The following RAB3A variants were observed in gnomAD, a reference collection of about 807,000 sequenced individuals.
RAB3A encodes ras-related protein Rab-3A.
RAB3A carries 5 observed loss-of-function variants against 19.7 expected under a neutral mutation model. The observed-to-expected ratio is 0.25, with a 90% CI of 0.13 to 0.53. The LOEUF (loss-of-function observed/expected upper bound fraction) is 0.53, where lower values mean the gene tolerates loss of function less well. Ranked by LOEUF, RAB3A falls within the 20% of genes least tolerant of loss-of-function variation. The probability of loss-of-function intolerance (pLI) is 0.95; values close to 1 mark genes in which losing one functional copy is unlikely to be tolerated. For synonymous variants in RAB3A, 119 were observed against 122.1 expected (o/e 0.97, Z 0.17); for missense variants, 189 against 305.6 (o/e 0.62, Z 2.85).
At chr19:18,201,263 A>AGGAAAGAAAG (rs1555819265) in intron 2 of RAB3A, among the ~76,000 whole-genome samples, 1 of 121,778 alleles carries the variant, frequency 8.2e-6, no homozygotes, top group African/African-American at 3.1e-5. Context: ...AAAAAAAAAA[A>AGGAAAGAAAG]AAAGAAAGAA....
chr19:18,199,025 C>T (rs899991664), intron 3 of RAB3A, among the ~76,000 whole-genome samples, 176 bp from the exon 4 acceptor site: 6 of 152,140 alleles, frequency 3.9e-5, no homozygotes, highest in Non-Finnish European at 7.3e-5. Flanking sequence ...CTCCAGCCCC[C>T]GACTGACCCA....
chr19:18,198,624 G>C, intron 4 of RAB3A, 101 bp downstream of exon 4: 1 of 1,468,738 alleles, frequency 6.8e-7, no homozygotes, highest in Non-Finnish European at 9.2e-7. Context: ...CAGAAAGTGT[G>C]AATTACCTGG....
At chr19:18,198,609 G>A in intron 4 of RAB3A, 116 bp downstream of exon 4, 1 of 1,355,146 alleles carries the variant, frequency 7.4e-7, no homozygotes, top group Non-Finnish European at 1.0e-6. Context: ...ATGAAGGCTA[G>A]TTTGCAGAAA....
In RAB3A at chr19:18,198,783, G is replaced by A. The variant is rs761287093; in HGVS notation, c.414C>T (p.Asp138=). 2.5e-6 allele frequency: 4 copies of A among 1,614,006 alleles called. No individual in the cohort carries two copies. The highest frequency in any genetic ancestry group is 3.4e-6 in the Non-Finnish European group (4 of 1,180,028). The part of the protein sequence containing the change: ...AQVLLVGNKC[D]MEDERVVSSE... ...ATGACACCACCCGCTCATCCTCCATGTCACACTTGTTTCCTACCAGCAGCA... is the reference window on the plus strand; with the variant it reads ...ATGACACCACCCGCTCATCCTCCATATCACACTTGTTTCCTACCAGCAGCA... Residue 138 remains aspartate, a synonymous_variant, in exon 4 of 5, where the codon GAC becomes GAT. Coordinates refer to ENST00000222256, the MANE Select transcript of RAB3A (RefSeq NM_002866.5).
chr19:18,197,170 A>T lies in RAB3A; in HGVS notation c.*300T>A. ...GTGGATGGGGGTGAATTTTAAAAAAAGGCGGGGGGGGGGGGTTCAGGAGGG... is the reference window on the plus strand; with the variant it reads ...GTGGATGGGGGTGAATTTTAAAAAATGGCGGGGGGGGGGGGTTCAGGAGGG... On this transcript the variant is annotated 3_prime_UTR_variant, in exon 5 of 5. Coordinates refer to ENST00000222256, the MANE Select transcript of RAB3A (RefSeq NM_002866.5). The T allele has an allele frequency of 1.4e-5, 3 of 212,094 alleles. No homozygotes were observed. The highest frequency in any genetic ancestry group is 1.2e-4 in the Admixed American group (1 of 8,010). 13.1% of individuals were successfully genotyped at this position (212,094 alleles called of 1,614,324 possible).
Position 18,202,484 on chromosome 19 carries a change from C to G in RAB3A, c.228+29G>C. 2 of 1,597,364 alleles carry G rather than the reference C, an allele frequency of 1.3e-6. No individual in the cohort carries two copies. Among genetic ancestry groups the G allele is most frequent in the Non-Finnish European group, 8.6e-7 (1 of 1,165,756 alleles). Reference sequence around the variant, plus strand: ...TCCAAGTACGGGAATCCAACCGAGCCGGGCGGGAGCCCTCCAGCTGGGACC... The same window carrying G: ...TCCAAGTACGGGAATCCAACCGAGCGGGGCGGGAGCCCTCCAGCTGGGACC... On this transcript the variant is annotated intron_variant, in intron 2 of 4. Coordinates refer to ENST00000222256, the MANE Select transcript of RAB3A (RefSeq NM_002866.5). The surrounding 1 kb of genome is among the most constrained non-coding windows in gnomAD (Gnocchi z 4.2).
Position 18,202,540 on chromosome 19 carries a change from G to A in RAB3A, c.201C>T (p.Asn67=), listed in dbSNP as rs752539469. Residue 67 remains asparagine (N), a synonymous_variant, in exon 2 of 5, where the codon AAC becomes AAT. Coordinates refer to ENST00000222256, the MANE Select transcript of RAB3A (RefSeq NM_002866.5). The surrounding 1 kb of genome is among the most constrained non-coding windows in gnomAD (Gnocchi z 4.2). ...IDFKVKTIYR[N]DKRIKLQIWD... The stretch of plus-strand genomic sequence containing the variant: ...AGATCTGCAGCTTGATCCTCTTGTC[G>A]TTGCGATAGATGGTCTTGACCTTGA... 1.3e-5 allele frequency: 21 copies of A among 1,614,062 alleles called. No individual in the cohort carries two copies. The highest frequency in any genetic ancestry group is 3.3e-5 in the South Asian group (3 of 91,094).
Position 18,196,826 on chromosome 19 carries a change from C to T in RAB3A, c.*644G>A, listed in dbSNP as rs957412048. ...GATGGTCCATTCGCTTTATTGGGTGCGTGTAGTGTTGTCATGACATCTCCT... is the reference window on the plus strand; with the variant it reads ...GATGGTCCATTCGCTTTATTGGGTGTGTGTAGTGTTGTCATGACATCTCCT... On this transcript the variant is annotated 3_prime_UTR_variant, in exon 5 of 5. Coordinates refer to ENST00000222256, the MANE Select transcript of RAB3A (RefSeq NM_002866.5). The T allele has an allele frequency of 1.6e-5, 4 of 254,210 alleles. No homozygotes were observed. Among genetic ancestry groups the T allele is most frequent in the African/African-American group, 4.7e-5 (2 of 42,194 alleles). The allele number at this position is 254,210 out of a possible 1,614,324, so 15.7% of individuals were successfully genotyped here.
Position 18,202,269 on chromosome 19 carries a change from G to A in RAB3A, c.228+244C>T, listed in dbSNP as rs1474539081. On this transcript the variant is annotated intron_variant, in intron 2 of 4. Coordinates refer to ENST00000222256, the MANE Select transcript of RAB3A (RefSeq NM_002866.5). This position sits in a 1 kb window ranked among gnomAD's most constrained non-coding sequence, Gnocchi z 4.2. ...AACAAAAAAAGAGAATGGGGACCAA[G>A]ATCCAGCTGAAACCTCATACATGGA... 3 of 473,688 alleles carry A rather than the reference G, an allele frequency of 6.3e-6. No homozygotes were observed. The highest frequency in any genetic ancestry group is 3.6e-5 in the Admixed American group (1 of 27,824). 29.3% of individuals were successfully genotyped at this position (473,688 alleles called of 1,614,324 possible).
chr19:18,200,611 G>A (rs1239152504), intron 2 of RAB3A, among the ~76,000 whole-genome samples, 166 bp from the exon 3 acceptor site: 1 of 152,100 alleles, frequency 6.6e-6, no homozygotes, highest in African/African-American at 2.4e-5. Context: ...CAGAATATAT[G>A]AGTGCTCCAT....
rs1279483913 is a variant in RAB3A at position 18,202,857 on chromosome 19, T to A, written c.1-117A>T. On this transcript the variant is annotated intron_variant, in intron 1 of 4. Transcript: ENST00000222256. This position sits in a 1 kb window ranked among gnomAD's most constrained non-coding sequence, Gnocchi z 4.2. The stretch of plus-strand genomic sequence containing the variant: ...AACGGCCGGTGTATGGAGGACACCC[T>A]TATCCCATCAGGAGCCCCAGTATTA... 1 of 740,040 alleles carries A rather than the reference T, an allele frequency of 1.4e-6. No homozygotes were observed. The highest frequency in any genetic ancestry group is 2.6e-5 in the East Asian group (1 of 39,100). The allele number at this position is 740,040 out of a possible 1,614,324, so 45.8% of individuals were successfully genotyped here.
At position 18,196,807 on chromosome 19, in the gene RAB3A, C is replaced by T. The variant is rs1199434371; in HGVS notation, c.*663G>A. On this transcript the variant is annotated 3_prime_UTR_variant, in exon 5 of 5. Transcript: ENST00000222256. ...GCTCACAGGGACACACATGGATGGTCCATTCGCTTTATTGGGTGCGTGTAG... is the reference window on the plus strand; with the variant it reads ...GCTCACAGGGACACACATGGATGGTTCATTCGCTTTATTGGGTGCGTGTAG... The T allele has an allele frequency of 1.0e-5, 3 of 293,906 alleles. No individual in the cohort carries two copies. Among genetic ancestry groups the T allele is most frequent in the Non-Finnish European group, 2.0e-5 (3 of 151,568 alleles). The allele number at this position is 293,906 out of a possible 1,614,324, so 18.2% of individuals were successfully genotyped here.
chr19:18,198,248 C>T (rs1967561605), intron 4 of RAB3A, among the ~76,000 whole-genome samples: 1 of 152,152 alleles, frequency 6.6e-6, no homozygotes, highest in Non-Finnish European at 1.5e-5. Flanking sequence ...GGTTGAGGCC[C>T]TCTGTGATCG....
intron 1 of RAB3A, among the ~76,000 whole-genome samples, chr19:18,203,156 GC>G (rs1967638785): frequency 6.6e-6 from 1 of 152,158 alleles, no homozygotes; most frequent in African/African-American, 2.4e-5. Flanking sequence ...CGCATCTGCA[GC>G]CCCCGCTCCC....
In RAB3A at chr19:18,203,446, C is replaced by T. The variant is rs536655739; in HGVS notation, c.-1+450G>A. Reference sequence around the variant, plus strand: ...ACACGGATCCCCGTGCTTGTATGCACGGGCCATACCTGCACAGGCGGTCCA... The same window carrying T: ...ACACGGATCCCCGTGCTTGTATGCATGGGCCATACCTGCACAGGCGGTCCA... On this transcript the variant is annotated intron_variant, in intron 1 of 4. Transcript: ENST00000222256. 3.9e-5 allele frequency among the ~76,000 whole-genome samples: 6 copies of T among 152,332 alleles called. 1 individual carries two copies. The highest frequency in any genetic ancestry group is 2.6e-4 in the Admixed American group (4 of 15,306).
Position 18,202,721 on chromosome 19 carries a change from G to C in RAB3A, c.20C>G (p.Ser7Trp). The C allele has an allele frequency of 1.9e-6, 3 of 1,614,094 alleles. No individual in the cohort carries two copies. Among genetic ancestry groups the C allele is most frequent in the Middle Eastern group, 1.6e-4 (1 of 6,062 alleles). The change falls in exon 2 of 5, where the codon TCG (serine) becomes TGG (tryptophan). Residue 7 changes from serine to tryptophan, a missense_variant. Physicochemically the swap from Ser to Trp is radical, Grantham distance 177. Transcript: ENST00000222256. The surrounding 1 kb of genome is among the most constrained non-coding windows in gnomAD (Gnocchi z 4.2). The part of the protein sequence containing the change: MASATD[S>W]RYGQKESSDQ... ...CGAGGACTCCTTCTGCCCATAGCGC[G>C]AGTCTGTGGCGGATGCCATCTGGGG... is the stretch of plus-strand genomic sequence containing the variant.
Position 18,202,332 on chromosome 19 carries a change from G to A in RAB3A, c.228+181C>T. The A allele has an allele frequency of 1.7e-6, 1 of 582,036 alleles. No homozygotes were observed. The allele number at this position is 582,036 out of a possible 1,614,324, so 36.1% of individuals were successfully genotyped here. ...TGGGGAAACTGAGGGACCAGGATTA[G>A]GTGCTTATGGGAGAACACAGGTGCT... On this transcript the variant is annotated intron_variant, in intron 2 of 4. Transcript: ENST00000222256. This position sits in a 1 kb window ranked among gnomAD's most constrained non-coding sequence, Gnocchi z 4.2.
Position 18,201,263 on chromosome 19 carries a change from A to G in RAB3A, c.229-818T>C, listed in dbSNP as rs11672241. Among the ~76,000 whole-genome samples the G allele has an allele frequency of 7.1e-3, 867 of 121,764 alleles. 17 individuals carry two copies. The South Asian group carries it at 0.073, about 10-fold the overall frequency. 79.9% of individuals were successfully genotyped at this position (121,764 alleles called of 152,430 possible). On this transcript the variant is annotated intron_variant, in intron 2 of 4. Coordinates refer to ENST00000222256, the MANE Select transcript of RAB3A (RefSeq NM_002866.5). ...AACAATAACAACAAAAAAAAAAAAA[A>G]AAAGAAAGAAAGAAAGAAAGAAAGA...
At chr19:18,199,537 T>A (rs1336490966) in intron 3 of RAB3A, among the ~76,000 whole-genome samples, 1 of 151,448 alleles carries the variant, frequency 6.6e-6, no homozygotes, top group African/African-American at 2.4e-5. Context: ...CTCTCCTTTT[T>A]TTTTTGAGAC....
Sources: gnomAD v4.1 joint callset for allele counts (sites outside exome capture counted in the v4.1 genomes callset) on GRCh38, gnomAD v4.1.1 for gene constraint, Gnocchi (gnomAD v3.1) non-coding constraint, MANE v1.5 for transcripts, NCBI Gene and HGNC (gene_info 2026-07-23, HGNC 2026-07-21) for gene names.